Variants in CDS1 observed in about 807,000 individuals in gnomAD.
The protein encoded by CDS1 is CDP-diacylglycerol synthase 1.
CDS1 carries 41 observed loss-of-function variants against 62.1 expected under a neutral mutation model. That is an observed-to-expected ratio of 0.66 (90% CI 0.51 to 0.86). The LOEUF (loss-of-function observed/expected upper bound fraction) is 0.86. Among genes scored for constraint, CDS1 ranks in the 40% least tolerant of loss-of-function variants. The probability of loss-of-function intolerance (pLI) is 0.00; values close to 1 mark genes in which losing one functional copy is unlikely to be tolerated. For synonymous variants in CDS1, 185 were observed against 192.6 expected, an observed-to-expected ratio of 0.96 and a Z score of 0.32; for missense variants, 470 against 550.1, an observed-to-expected ratio of 0.85 and a Z score of 1.46.
rs72236126 is a variant in CDS1 at position 84,592,154 on chromosome 4, A to ATTTTTTT, written c.117+8657_117+8663dup. 4.6e-4 allele frequency among the ~76,000 whole-genome samples: 40 copies of ATTTTTTT among 86,058 alleles called. 3 individuals are homozygous for ATTTTTTT. Among genetic ancestry groups the ATTTTTTT allele is most frequent in the Non-Finnish European group, 6.5e-4 (31 of 47,918 alleles). The allele number at this position is 86,058 out of a possible 152,430, so 56.5% of individuals were successfully genotyped here. ...GAGGAAGTAATTTCATTAATGACCA[A>ATTTTTTT]TTTTTTTTTTTTTTTTTTTTTTTTT... On this transcript the variant is annotated intron_variant, in intron 1 of 12. Transcript: ENST00000295887.
At chr4:84,600,937 G>A (rs1477018506) in intron 1 of CDS1, among the ~76,000 whole-genome samples, 1 of 152,136 alleles carries the variant, frequency 6.6e-6, no homozygotes, top group Non-Finnish European at 1.5e-5. Context: ...GGGAGGCCAA[G>A]GCAGGTGGAT....
At chr4:84,591,153 TGTA>T (rs1170153756) in intron 1 of CDS1, among the ~76,000 whole-genome samples, 1 of 152,180 alleles carries the variant, frequency 6.6e-6, no homozygotes, top group African/African-American at 2.4e-5. Context: ...TATATACACA[TGTA>T]GTATGAGTAT....
At chr4:84,624,014 A>G (rs112758639) in intron 5 of CDS1, among the ~76,000 whole-genome samples, 1 of 152,052 alleles carries the variant, frequency 6.6e-6, no homozygotes, top group African/African-American at 2.4e-5. Flanking sequence ...GCTCACACCT[A>G]TAATCCCAGC....
At chr4:84,613,594 A>G (rs1031413542) in intron 3 of CDS1, among the ~76,000 whole-genome samples, 3 of 152,212 alleles carry the variant, frequency 2.0e-5, no homozygotes, top group Non-Finnish European at 2.9e-5. Flanking sequence ...TGGGCGACAG[A>G]GTGAGACTTT....
At chr4:84,627,913 C>T (rs868393736) in intron 5 of CDS1, among the ~76,000 whole-genome samples, 3 of 152,112 alleles carry the variant, frequency 2.0e-5, no homozygotes, top group Admixed American at 6.6e-5. Flanking sequence ...TATACACATG[C>T]TAGTATTGGT....
In CDS1 at chr4:84,646,431, TATCTA is replaced by T. The variant is rs780650591; in HGVS notation, c.1256+1109_1256+1113del. Among the ~76,000 whole-genome samples the T allele has an allele frequency of 4.6e-5, 7 of 152,294 alleles. No individual in the cohort carries two copies. The East Asian group carries it at 1.4e-3, about 29-fold the overall frequency. ...TTAGATTATTGATTTTTAGCCTTCT[TATCTA>T]ATTTATCCATTGAAGACTATTAAGT... On this transcript the variant is annotated intron_variant, in intron 12 of 12. Coordinates refer to ENST00000295887, the MANE Select transcript of CDS1 (RefSeq NM_001263.4).
At chr4:84,593,399 A>G (rs1722650494) in intron 1 of CDS1, among the ~76,000 whole-genome samples, 5 of 152,144 alleles carry the variant, frequency 3.3e-5, no homozygotes, top group Admixed American at 3.3e-4. Flanking sequence ...ATGAATTTCA[A>G]ATGTATGATT....
At chr4:84,587,996 A>G (rs11725539) in intron 1 of CDS1, among the ~76,000 whole-genome samples, 91,531 of 152,034 alleles carry the variant, frequency 0.6, 27,774 homozygotes, top group Middle Eastern at 0.69. Flanking sequence ...CTCTACAGAC[A>G]CAAATCTACC....
intron 11 of CDS1, 62 bp downstream of exon 11, chr4:84,643,205 G>T: frequency 6.5e-7 from 1 of 1,549,634 alleles, no homozygotes. Flanking sequence ...TAACCTAGTT[G>T]GAATTTGGTC....
At chr4:84,616,229 C>G (rs1166709393) in intron 3 of CDS1, among the ~76,000 whole-genome samples, 1 of 152,188 alleles carries the variant, frequency 6.6e-6, no homozygotes. Context: ...TGAAGAAGGA[C>G]ACTTAGATTT....
chr4:84,601,707 G>A (rs182420936), intron 1 of CDS1, among the ~76,000 whole-genome samples: 1 of 152,276 alleles, frequency 6.6e-6, no homozygotes, highest in Admixed American at 6.5e-5. Context: ...GAGGTCAGGA[G>A]TTCGAGACTA....
intron 6 of CDS1, 54 bp from the exon 7 acceptor site, chr4:84,633,803 A>G: frequency 8.4e-7 from 1 of 1,185,256 alleles, no homozygotes; most frequent in South Asian, 1.6e-5. Flanking sequence ...TTGCTTCTTC[A>G]GCTGCACTGA....
intron 1 of CDS1, among the ~76,000 whole-genome samples, chr4:84,599,431 T>C (rs199971759): frequency 4.2e-5 from 1 of 23,838 alleles, no homozygotes; most frequent in African/African-American, 1.2e-4. Context: ...TATATATATA[T>C]ATATATATAT....
chr4:84,622,871 T>C (rs1723734829), intron 5 of CDS1, among the ~76,000 whole-genome samples: 1 of 152,176 alleles, frequency 6.6e-6, no homozygotes, highest in Admixed American at 6.5e-5. Context: ...ATTAAGTAGG[T>C]ACCTAAAATA....
At chr4:84,626,315 A>G (rs1454029709) in intron 5 of CDS1, among the ~76,000 whole-genome samples, 2 of 152,252 alleles carry the variant, frequency 1.3e-5, no homozygotes, top group African/African-American at 2.4e-5. Context: ...CTTTGTTGCA[A>G]TAATTGCATA....
chr4:84,589,159 G>A lies in CDS1; in HGVS notation c.117+5641G>A, dbSNP rs115699026. On this transcript the variant is annotated intron_variant, in intron 1 of 12. Coordinates refer to ENST00000295887, the MANE Select transcript of CDS1 (RefSeq NM_001263.4). ...CAAAGATTTCTATGTACTTTTCACC[G>A]ACTTTCCCGTAAGGTTTGTATCTTG... 5.8e-3 allele frequency among the ~76,000 whole-genome samples: 882 copies of A among 152,188 alleles called. 11 individuals are homozygous for A. Among genetic ancestry groups the A allele is most frequent in the African/African-American group, 0.02 (822 of 41,534 alleles).
At chr4:84,632,724 G>A (rs1724061864) in intron 6 of CDS1, among the ~76,000 whole-genome samples, 9 of 152,142 alleles carry the variant, frequency 5.9e-5, no homozygotes. Context: ...GCATTTTTAA[G>A]CAATCAGAGT....
At chr4:84,643,902 G>T (rs1442636861) in intron 11 of CDS1, among the ~76,000 whole-genome samples, 1 of 152,198 alleles carries the variant, frequency 6.6e-6, no homozygotes, top group African/African-American at 2.4e-5. Context: ...GGCTATGGAA[G>T]TTGGGGTGGT....
chr4:84,645,235 C>T lies in CDS1; in HGVS notation c.1166C>T (p.Thr389Ile). 6.2e-7 allele frequency: 1 copy of T among 1,610,308 alleles called. No homozygotes were observed. The highest frequency in any genetic ancestry group is 8.5e-7 in the Non-Finnish European group (1 of 1,177,130). Residue 389 changes from threonine (T) to isoleucine (I), a missense_variant, in exon 12 of 13, where the codon ACC becomes ATC. By Grantham distance (89) the Thr-to-Ile change is moderately conservative. Around this residue, in one of 5 missense-constraint regions of CDS1, gnomAD observed 4 missense variants for 19.4 expected, o/e 0.21. Coordinates refer to ENST00000295887, the MANE Select transcript of CDS1 (RefSeq NM_001263.4). Reference protein sequence around the residue: ...RAFKIKDFANTIPGHGGIMDR... With the variant: ...RAFKIKDFANIIPGHGGIMDR... ...TTGTTTCTAAAGGATTTTGCAAATACCATTCCTGGACATGGTGGGATAATG... is the reference window on the plus strand; with the variant it reads ...TTGTTTCTAAAGGATTTTGCAAATATCATTCCTGGACATGGTGGGATAATG...
Sources: gnomAD v4.1 joint callset for allele counts (sites outside exome capture counted in the v4.1 genomes callset) on GRCh38, gnomAD v4.1.1 for gene constraint, gnomAD v4.1.1 regional missense constraint, MANE v1.5 for transcripts, NCBI Gene and HGNC (gene_info 2026-07-23, HGNC 2026-07-21) for gene names.